The following POGZ variants were observed in gnomAD, a reference collection of about 807,000 sequenced individuals.
POGZ encodes pogo transposable element derived with ZNF domain, also known as pogo transposable element with ZNF domain.
A neutral mutation model predicts 134.6 loss-of-function variants in POGZ; 17 were observed. The observed-to-expected ratio is 0.13, with a 90% CI of 0.09 to 0.19. POGZ has a LOEUF of 0.19. POGZ is among the 10% of genes least tolerant of loss of function. The pLI is 1.00. For synonymous variants in POGZ, 693 were observed against 657.1 expected (o/e 1.05, Z -0.84); for missense variants, 1,306 against 1,769.7 (o/e 0.74, Z 4.70).
At position 151,404,670 on chromosome 1, in the gene POGZ, G is replaced by T; in HGVS notation, c.*132C>A. On this transcript the variant is annotated 3_prime_UTR_variant, in exon 19 of 19. Coordinates refer to ENST00000271715, the MANE Select transcript of POGZ (RefSeq NM_015100.4). ...ACAGGGAAGTGTAAGTCAACTTCAG[G>T]GGGGAGTGGTGGTATAAAATTAAAA... 2.8e-6 allele frequency: 4 copies of T among 1,412,684 alleles called. No individual in the cohort carries two copies. The highest frequency in any genetic ancestry group is 2.5e-5 in the East Asian group (1 of 39,410). 87.5% of individuals were successfully genotyped at this position (1,412,684 alleles called of 1,614,324 possible).
chr1:151,435,531 A>C (rs538383904), intron 3 of POGZ, among the ~76,000 whole-genome samples: 53 of 149,194 alleles, frequency 3.6e-4, no homozygotes, highest in African/African-American at 1.3e-3. Context: ...CTTGCTCTGT[A>C]GCCCAAGTTG....
intron 1 of POGZ, among the ~76,000 whole-genome samples, chr1:151,458,932 C>A (rs1038515788): frequency 6.9e-6 from 1 of 144,816 alleles, no homozygotes; most frequent in Non-Finnish European, 1.5e-5. Context: ...CACACACACT[C>A]GCGCTCGCGC....
intron 1 of POGZ, among the ~76,000 whole-genome samples, chr1:151,458,013 C>CATGT (rs1662976670): frequency 6.6e-6 from 1 of 151,710 alleles, no homozygotes; most frequent in African/African-American, 2.4e-5. Context: ...GGACGGGCTA[C>CATGT]ACCGCTTGCA....
intron 3 of POGZ, among the ~76,000 whole-genome samples, chr1:151,437,204 C>CAAA (rs35014457): frequency 8.2e-6 from 1 of 122,000 alleles, no homozygotes; most frequent in Non-Finnish European, 1.7e-5. Flanking sequence ...GACTCCGTCT[C>CAAA]AAAAAAAAAA....
At chr1:151,419,668 CAAAAAA>C (rs59593149) in intron 10 of POGZ, among the ~76,000 whole-genome samples, 1 of 43,648 alleles carries the variant, frequency 2.3e-5, no homozygotes, top group African/African-American at 1.0e-4. Context: ...GACCCTGTCT[CAAAAAA>C]AAAAAAAAAA....
At position 151,408,737 on chromosome 1, in the gene POGZ, A is replaced by T; in HGVS notation, c.2018T>A (p.Phe673Tyr). Residue 673 changes from phenylalanine (F) to tyrosine (Y), a missense_variant, in exon 13 of 19, where the codon TTC (phenylalanine) becomes TAC (tyrosine). Physicochemically the swap from Phe to Tyr is conservative, Grantham distance 22. Coordinates refer to ENST00000271715, the MANE Select transcript of POGZ (RefSeq NM_015100.4). ...GCCCTCCAGCTGCTTGGGTTTACGG[A>T]AGGTTTTATGGTGTTGAAGCTTGTG... ...IEHKLQHHKTFRKPKQLEGLK... is the reference protein window; with the variant it reads ...IEHKLQHHKTYRKPKQLEGLK... 6.2e-7 allele frequency: 1 copy of T among 1,614,012 alleles called. No homozygotes were observed. The highest frequency in any genetic ancestry group is 2.2e-5 in the East Asian group (1 of 44,874).
chr1:151,455,293 C>T (rs765926419), intron 1 of POGZ: 7 of 152,132 alleles, frequency 4.6e-5, no homozygotes, highest in African/African-American at 7.2e-5. Context: ...TTTAGAGAGA[C>T]GAAGTAACTT....
At position 151,412,320 on chromosome 1, in the gene POGZ, A is replaced by G; in HGVS notation, c.1755T>C (p.Pro585=). Residue 585 remains proline, a synonymous_variant, in exon 11 of 19, where the codon CCT becomes CCC. Coordinates refer to ENST00000271715, the MANE Select transcript of POGZ (RefSeq NM_015100.4). Reference sequence around the variant, plus strand: ...CCTGGCAAACATAAGGCATCTCTCCAGGCTTATGAGTATCCTTCATATGCT... The same window carrying G: ...CCTGGCAAACATAAGGCATCTCTCCGGGCTTATGAGTATCCTTCATATGCT... The part of the protein sequence containing the change: ...FLQHMKDTHK[P]GEMPYVCQVC... The G allele has an allele frequency of 6.2e-7, 1 of 1,603,172 alleles. No individual in the cohort carries two copies. The highest frequency in any genetic ancestry group is 8.5e-7 in the Non-Finnish European group (1 of 1,170,536).
intron 1 of POGZ, among the ~76,000 whole-genome samples, chr1:151,452,097 C>G (rs1266654451): frequency 1.7e-5 from 1 of 59,034 alleles, no homozygotes; most frequent in African/African-American, 6.1e-5. Context: ...GACTCCGTCT[C>G]AAAAAAAAAA....
intron 3 of POGZ, among the ~76,000 whole-genome samples, chr1:151,436,759 C>G (rs1394777759): frequency 6.6e-6 from 1 of 152,186 alleles, no homozygotes; most frequent in Non-Finnish European, 1.5e-5. Context: ...TTTATGGACA[C>G]AGGTTGTTTT....
At chr1:151,446,614 G>A (rs1220000075) in intron 1 of POGZ, among the ~76,000 whole-genome samples, 2 of 152,032 alleles carry the variant, frequency 1.3e-5, no homozygotes, top group Non-Finnish European at 2.9e-5. Context: ...AAATTAGCCA[G>A]GTGTGGTGGC....
intron 1 of POGZ, chr1:151,451,140 CA>C (rs1662011393): frequency 6.6e-6 from 1 of 151,730 alleles, no homozygotes; most frequent in South Asian, 2.1e-4. Context: ...GAGACTGCCT[CA>C]AAGGGAAAGA....
At chr1:151,410,346 C>T (rs113135539) in intron 12 of POGZ, among the ~76,000 whole-genome samples, 3 of 152,252 alleles carry the variant, frequency 2.0e-5, no homozygotes, top group African/African-American at 4.8e-5. Context: ...ATGTGACTTC[C>T]ACCCTACCAA....
chr1:151,457,280 T>A (rs552359103), intron 1 of POGZ, among the ~76,000 whole-genome samples: 1 of 152,330 alleles, frequency 6.6e-6, no homozygotes, highest in East Asian at 1.9e-4. Context: ...GCACAAGGTG[T>A]CACTTGTTTC....
At chr1:151,449,131 C>A (rs1370256831) in intron 1 of POGZ, among the ~76,000 whole-genome samples, 1 of 152,142 alleles carries the variant, frequency 6.6e-6, no homozygotes, top group East Asian at 1.9e-4. Flanking sequence ...TAAAATATTT[C>A]ATCATATTCC....
chr1:151,441,371 G>A (rs1189885357), intron 2 of POGZ, among the ~76,000 whole-genome samples: 3 of 152,028 alleles, frequency 2.0e-5, no homozygotes, highest in African/African-American at 7.3e-5. Flanking sequence ...CAAACCTCTA[G>A]GACTCAAAGG....
chr1:151,442,174 C>G lies in POGZ; in HGVS notation c.31G>C (p.Glu11Gln). The G allele has an allele frequency of 6.2e-7, 1 of 1,613,668 alleles. No homozygotes were observed. The highest frequency in any genetic ancestry group is 8.5e-7 in the Non-Finnish European group (1 of 1,179,582). The change falls in exon 2 of 19, where the codon GAG (glutamate) becomes CAG (glutamine). Residue 11 changes from glutamate (E) to glutamine (Q), a missense_variant. By Grantham distance (29) the Glu-to-Gln change is conservative. Coordinates refer to ENST00000271715, the MANE Select transcript of POGZ (RefSeq NM_015100.4). Reference protein sequence around the residue: MADTDLFMECEEEELEPWQKI... With the variant: MADTDLFMECQEEELEPWQKI... ...TGCCATGGCTCCAACTCCTCCTCCT[C>G]ACATTCCATGAACAGGTCGGTGTCC...
chr1:151,455,825 G>A (rs973461732), intron 1 of POGZ, among the ~76,000 whole-genome samples: 5 of 149,564 alleles, frequency 3.3e-5, no homozygotes, highest in Non-Finnish European at 7.4e-5. Flanking sequence ...AAAGGGAGAA[G>A]TATTTTAATA....
chr1:151,454,733 C>T (rs1662556872), intron 1 of POGZ, among the ~76,000 whole-genome samples: 1 of 152,206 alleles, frequency 6.6e-6, no homozygotes, highest in Admixed American at 6.5e-5. Context: ...CATTTCTATG[C>T]TTTCAATTTC....
Sources: gnomAD v4.1 joint callset for allele counts (sites outside exome capture counted in the v4.1 genomes callset) on GRCh38, gnomAD v4.1.1 for gene constraint, MANE v1.5 for transcripts, NCBI Gene and HGNC (gene_info 2026-07-23, HGNC 2026-07-21) for gene names.